The following SOX6 variants were observed in gnomAD, a reference collection of about 807,000 sequenced individuals.
SOX6 encodes the protein transcription factor SOX-6.
A neutral mutation model predicts 97.8 loss-of-function variants in SOX6; 11 were observed. The observed-to-expected ratio is 0.11, with a 90% CI of 0.07 to 0.19. The LOEUF is 0.19. SOX6 is among the 10% of genes least tolerant of loss of function. The probability of loss-of-function intolerance (pLI) is 1.00; values close to 1 mark genes in which losing one functional copy is unlikely to be tolerated. For missense variants in SOX6, 810 were observed against 1,039.5 expected (o/e 0.78, Z 3.04); for synonymous variants, 360 against 371.4 (o/e 0.97, Z 0.35).
chr11:16,142,334 C>T (rs113936874), intron 6 of SOX6, among the ~76,000 whole-genome samples: 8,456 of 152,162 alleles, frequency 0.056, 623 homozygotes, highest in East Asian at 0.37. Flanking sequence ...AGGACATCCA[C>T]ACTAAAACCC....
chr11:16,014,037 G>A (rs1000764908), intron 13 of SOX6, among the ~76,000 whole-genome samples: 1 of 152,024 alleles, frequency 6.6e-6, no homozygotes, highest in Non-Finnish European at 1.5e-5. Context: ...TTACTCCGAA[G>A]AGAACAAATT....
intron 4 of SOX6, among the ~76,000 whole-genome samples, chr11:16,223,934 T>A (rs1852615089): frequency 6.6e-6 from 1 of 152,126 alleles, no homozygotes; most frequent in Non-Finnish European, 1.5e-5. Context: ...TCCTTTTTTG[T>A]TTCAATATGT....
chr11:16,612,296 C>T (rs1347537907), intron 3 of SOX6: 2 of 151,752 alleles, frequency 1.3e-5, no homozygotes, highest in South Asian at 2.1e-4. Flanking sequence ...ACATCAGAGT[C>T]CCCAGATGCA....
At chr11:16,167,095 T>C (rs1850906450) in intron 6 of SOX6, among the ~76,000 whole-genome samples, 1 of 152,196 alleles carries the variant, frequency 6.6e-6, no homozygotes, top group Non-Finnish European at 1.5e-5. Flanking sequence ...AACGGATCTC[T>C]AATAAGTATT....
chr11:15,989,532 G>A (rs751501916), intron 13 of SOX6, among the ~76,000 whole-genome samples: 10 of 152,180 alleles, frequency 6.6e-5, no homozygotes, highest in Admixed American at 1.3e-4. Flanking sequence ...CTTTCCTGCT[G>A]TAATTCCTTT....
rs763475868 is a variant in SOX6, at chr11:15,986,157, C to G, written c.2183+47G>C. On this transcript the variant is annotated intron_variant, in intron 15 of 15. Coordinates refer to ENST00000683767, the MANE Select transcript of SOX6 (RefSeq NM_001367873.1). ...ACTGCCAGTAGCCATCCTATAGTTA[C>G]TTACCGCAAAAGTAAAGCCCAGGTG... 13 of 1,553,408 alleles carry G rather than the reference C, an allele frequency of 8.4e-6. No individual in the cohort carries two copies. In the South Asian group the frequency reaches 1.3e-4, roughly 16 times the overall value.
rs139073152 is a variant in SOX6 at position 16,536,466 on chromosome 11, A to T, written n.610-60078T>A. On this transcript the variant is annotated intron_variant and non_coding_transcript_variant, in intron 4 of 5. Coordinates refer to the SOX6 transcript ENST00000524520. The stretch of plus-strand genomic sequence containing the variant: ...CTGGGACTGGTTGGACAGTGGGTGC[A>T]GCCCATGGAGGGTGAGCTGAAGAAG... 4.0e-3 allele frequency among the ~76,000 whole-genome samples: 604 copies of T among 152,306 alleles called. 15 individuals carry two copies. The East Asian group carries it at 0.052, about 13-fold the overall frequency.
At chr11:16,048,485 G>A (rs1414747058) in intron 11 of SOX6, among the ~76,000 whole-genome samples, 2 of 152,158 alleles carry the variant, frequency 1.3e-5, no homozygotes, top group African/African-American at 4.8e-5. Context: ...AGTAACATGT[G>A]AGAGGACCTA....
At chr11:16,701,956 T>G (rs1452767980) in intron 3 of SOX6, among the ~76,000 whole-genome samples, 1 of 152,040 alleles carries the variant, frequency 6.6e-6, no homozygotes, top group Non-Finnish European at 1.5e-5. Flanking sequence ...ATTTGGAGAA[T>G]GAAGATGAAA....
chr11:16,654,624 G>A (rs922190906), intron 3 of SOX6, among the ~76,000 whole-genome samples: 4 of 151,948 alleles, frequency 2.6e-5, no homozygotes, highest in Non-Finnish European at 4.4e-5. Flanking sequence ...ATAAAACTAA[G>A]AATAAAATTC....
At chr11:16,194,384 G>A (rs577277960) in intron 4 of SOX6, among the ~76,000 whole-genome samples, 1 of 152,248 alleles carries the variant, frequency 6.6e-6, no homozygotes, top group Admixed American at 6.5e-5. Context: ...GTCAGCTATT[G>A]TCATTGCTCC....
chr11:16,678,818 G>T (rs1847904316), intron 3 of SOX6, among the ~76,000 whole-genome samples: 1 of 152,210 alleles, frequency 6.6e-6, no homozygotes, highest in South Asian at 2.1e-4. Context: ...CTGGCTCGGT[G>T]GGTCCCACAC....
intron 1 of SOX6, among the ~76,000 whole-genome samples, chr11:16,401,066 T>C (rs1858544747): frequency 6.6e-6 from 1 of 151,590 alleles, no homozygotes; most frequent in Non-Finnish European, 1.5e-5. Context: ...TTCAATTATA[T>C]ACCAATTTTT....
chr11:16,705,550 C>G (rs949064339), intron 3 of SOX6, among the ~76,000 whole-genome samples: 18 of 152,014 alleles, frequency 1.2e-4, no homozygotes, highest in Admixed American at 9.8e-4. Flanking sequence ...TGGCTTGAAC[C>G]CAGGAGTTCA....
chr11:16,394,124 A>G (rs937267865), intron 1 of SOX6, among the ~76,000 whole-genome samples: 8 of 151,966 alleles, frequency 5.3e-5, no homozygotes, highest in African/African-American at 1.9e-4. Context: ...CATCTTTCCA[A>G]ATATTGTGAG....
chr11:16,198,895 G>A (rs781265835), intron 4 of SOX6, among the ~76,000 whole-genome samples: 23 of 152,098 alleles, frequency 1.5e-4, no homozygotes, highest in Non-Finnish European at 2.8e-4. Flanking sequence ...TAATTCTACC[G>A]AGAAAACTGG....
intron 3 of SOX6, among the ~76,000 whole-genome samples, chr11:16,266,184 A>C (rs960319878): frequency 6.6e-6 from 1 of 151,780 alleles, no homozygotes; most frequent in Non-Finnish European, 1.5e-5. Context: ...GTAATCCCCC[A>C]AAAAGGCAGG....
chr11:16,659,614 G>A (rs142340846), intron 3 of SOX6, among the ~76,000 whole-genome samples: 25 of 152,290 alleles, frequency 1.6e-4, no homozygotes, highest in Middle Eastern at 3.4e-3. Flanking sequence ...GATCAAGTTG[G>A]GAAGAAGTGA....
At chr11:16,583,612 T>TAC (rs1398006966) in intron 4 of SOX6, among the ~76,000 whole-genome samples, 1 of 43,948 alleles carries the variant, frequency 2.3e-5, no homozygotes, top group Non-Finnish European at 3.9e-5. Context: ...TGTATATATA[T>TAC]ACATATATAT....
Sources: gnomAD v4.1 joint callset for allele counts (sites outside exome capture counted in the v4.1 genomes callset) on GRCh38, gnomAD v4.1.1 for gene constraint, MANE v1.5 for transcripts, NCBI Gene and HGNC (gene_info 2026-07-23, HGNC 2026-07-21) for gene names.